GTF3C1: variants seen among roughly 807,000 people sequenced by gnomAD.
GTF3C1 encodes the protein general transcription factor IIIC subunit 1.
GTF3C1 carries 57 observed loss-of-function variants against 226.7 expected under a neutral mutation model. That is an observed-to-expected ratio of 0.25 (90% confidence interval 0.20 to 0.31). GTF3C1 has a LOEUF of 0.31. GTF3C1 is among the 10% of genes least tolerant of loss of function. GTF3C1 has a pLI of 1.00. For synonymous variants in GTF3C1, 1,090 were observed against 1,084.8 expected, an observed-to-expected ratio of 1.00 and a Z score of -0.09; for missense variants, 2,217 against 2,776.1, an observed-to-expected ratio of 0.80 and a Z score of 4.53.
intron 5 of GTF3C1, among the ~76,000 whole-genome samples, chr16:27,530,123 G>A (rs372248213): frequency 6.6e-6 from 1 of 152,098 alleles, no homozygotes; most frequent in African/African-American, 2.4e-5. Context: ...CTTACATTCT[G>A]GGGGGAGAGA....
At chr16:27,502,098 A>G (rs2088414087) in intron 11 of GTF3C1, among the ~76,000 whole-genome samples, 1 of 151,746 alleles carries the variant, frequency 6.6e-6, no homozygotes, top group African/African-American at 2.4e-5. Flanking sequence ...CATCTCAAAA[A>G]AAAAAAAAGA....
intron 29 of GTF3C1, 147 bp from the exon 30 acceptor site, chr16:27,472,067 T>G: frequency 1.5e-6 from 1 of 653,698 alleles, no homozygotes; most frequent in South Asian, 1.8e-5. Flanking sequence ...TGTGTGTCAG[T>G]GAGTGTGTGT....
At position 27,469,205 on chromosome 16, in the gene GTF3C1, A is replaced by T. The variant is rs1328265481; in HGVS notation, c.5074+86T>A. ...CTGCACGCCTGGCCTGGGGAGCCTGAAGGTCTAGGTCCCAGGCCAGGCCTC... is the reference window on the plus strand; with the variant it reads ...CTGCACGCCTGGCCTGGGGAGCCTGTAGGTCTAGGTCCCAGGCCAGGCCTC... On this transcript the variant is annotated intron_variant, in intron 32 of 36. Transcript: ENST00000356183. The surrounding 1 kb of genome is among the most constrained non-coding windows in gnomAD (Gnocchi z 4.5). 3.7e-6 allele frequency: 5 copies of T among 1,354,132 alleles called. No homozygotes were observed. The Admixed American group carries it at 1.3e-4, about 35-fold the overall frequency. 83.9% of individuals were successfully genotyped at this position (1,354,132 alleles called of 1,614,324 possible).
chr16:27,506,414 A>G (rs977026084), intron 9 of GTF3C1, among the ~76,000 whole-genome samples: 20 of 152,150 alleles, frequency 1.3e-4, no homozygotes, highest in Middle Eastern at 3.2e-3. Context: ...TGCCAGTAAG[A>G]GTCCCTCCCT....
At chr16:27,514,876 G>A (rs1392414477) in intron 6 of GTF3C1, among the ~76,000 whole-genome samples, 1 of 152,230 alleles carries the variant, frequency 6.6e-6, no homozygotes, top group Non-Finnish European at 1.5e-5. Flanking sequence ...AAACGTCCCT[G>A]TGACTGAGAA....
At chr16:27,503,440 GCT>G (rs1334447761) in intron 10 of GTF3C1, among the ~76,000 whole-genome samples, 3 of 152,124 alleles carry the variant, frequency 2.0e-5, no homozygotes, top group African/African-American at 7.2e-5. Flanking sequence ...AGAAACCAGG[GCT>G]CTGTGTGGCT....
rs747374110 is a variant in GTF3C1 at position 27,488,180 on chromosome 16, C to G, written c.3700+47G>C. ...AGTGAGGCTGTCGCACATCTCCAAG[C>G]CAAAACAAAGACAAGGCCCAGTAAA... On this transcript the variant is annotated intron_variant, in intron 23 of 36. Coordinates refer to ENST00000356183, the MANE Select transcript of GTF3C1 (RefSeq NM_001520.4). 3.2e-6 allele frequency: 5 copies of G among 1,554,706 alleles called. No homozygotes were observed. In the East Asian group the frequency reaches 9.0e-5, roughly 28 times the overall value.
At chr16:27,473,019 G>A (rs992763827) in intron 29 of GTF3C1, among the ~76,000 whole-genome samples, 27 of 152,096 alleles carry the variant, frequency 1.8e-4, no homozygotes, top group Non-Finnish European at 3.7e-4. Context: ...TGGCTCAAGC[G>A]GTCCTCCTGC....
chr16:27,480,339 C>A (rs2141363375), intron 27 of GTF3C1, among the ~76,000 whole-genome samples: 1 of 152,138 alleles, frequency 6.6e-6, no homozygotes, highest in African/African-American at 2.4e-5. Context: ...CAGTCTACTG[C>A]AAACCAGAAA....
At chr16:27,468,807 T>C (rs12919042) in intron 32 of GTF3C1, among the ~76,000 whole-genome samples, 25,583 of 152,058 alleles carry the variant, frequency 0.17, 2,303 homozygotes, top group Middle Eastern at 0.23. Context: ...AGTGTCAAAA[T>C]TGGAAGTAAA....
intron 6 of GTF3C1, among the ~76,000 whole-genome samples, chr16:27,525,980 G>A (rs1408719843): frequency 6.6e-6 from 1 of 152,002 alleles, no homozygotes; most frequent in Non-Finnish European, 1.5e-5. Context: ...GAAATATTCA[G>A]GGAGGCATTA....
intron 11 of GTF3C1, among the ~76,000 whole-genome samples, chr16:27,502,429 T>C (rs1452961765): frequency 6.6e-6 from 1 of 152,188 alleles, no homozygotes; most frequent in Non-Finnish European, 1.5e-5. Context: ...TACTTGTGTC[T>C]CTTGTTTTTT....
In GTF3C1 at chr16:27,464,321, T is replaced by C. The variant is rs763485432; in HGVS notation, c.5871A>G (p.Arg1957=). 284 of 1,487,456 alleles carry C rather than the reference T, an allele frequency of 1.9e-4. No individual in the cohort carries two copies. Among genetic ancestry groups the C allele is most frequent in the Non-Finnish European group, 2.4e-4 (273 of 1,120,788 alleles). 92.1% of individuals were successfully genotyped at this position (1,487,456 alleles called of 1,614,324 possible). The change falls in exon 34 of 37, where the codon AGA becomes AGG. Residue 1957 remains arginine, a splice_region_variant and synonymous_variant. Coordinates refer to ENST00000356183, the MANE Select transcript of GTF3C1 (RefSeq NM_001520.4). ...GGTGGGGGACAAGGCGCGCGGTACC[T>C]CTGGGGTCTTCAGAGCCCTCTGGAG... is the stretch of plus-strand genomic sequence containing the variant. ...AQPPEGSEDP[R]GFTESFGAAN...
At chr16:27,523,408 T>C (rs2088781546) in intron 6 of GTF3C1, among the ~76,000 whole-genome samples, 1 of 152,100 alleles carries the variant, frequency 6.6e-6, no homozygotes, top group Non-Finnish European at 1.5e-5. Context: ...TCCAGGTATA[T>C]CTGTAAATTT....
At chr16:27,540,901 C>G (rs986326300) in intron 2 of GTF3C1, among the ~76,000 whole-genome samples, 1 of 151,870 alleles carries the variant, frequency 6.6e-6, no homozygotes, top group Non-Finnish European at 1.5e-5. Flanking sequence ...AGTACAGTGA[C>G]GCGATCTCAG....
chr16:27,471,954 C>A lies in GTF3C1; in HGVS notation c.4354-34G>T, dbSNP rs1302003007. 1 of 1,603,874 alleles carries A rather than the reference C, an allele frequency of 6.2e-7. No homozygotes were observed. The highest frequency in any genetic ancestry group is 1.7e-5 in the Admixed American group (1 of 59,890). On this transcript the variant is annotated intron_variant, in intron 29 of 36. Coordinates refer to ENST00000356183, the MANE Select transcript of GTF3C1 (RefSeq NM_001520.4). This position sits in a 1 kb window ranked among gnomAD's most constrained non-coding sequence, Gnocchi z 5.0. ...CAGGGCGGCGAGGGTGAGTAGGGTT[C>A]TCCAGCCGGCCACGGAGAGGGCTGG...
intron 6 of GTF3C1, among the ~76,000 whole-genome samples, chr16:27,527,503 T>C (rs2088851037): frequency 6.6e-6 from 1 of 152,206 alleles, no homozygotes; most frequent in Non-Finnish European, 1.5e-5. Context: ...TTTTAAAGTT[T>C]CATAGTATGC....
At chr16:27,472,118 G>A (rs151250344) in intron 29 of GTF3C1, among the ~76,000 whole-genome samples, 198 bp from the exon 30 acceptor site, 1 of 152,190 alleles carries the variant, frequency 6.6e-6, no homozygotes, top group Admixed American at 6.5e-5. Context: ...GAGGAAGTCA[G>A]CAATCCCAAT....
intron 32 of GTF3C1, 40 bp from the exon 33 acceptor site, chr16:27,465,580 A>G (rs766864470): frequency 1.3e-6 from 2 of 1,526,832 alleles, no homozygotes; most frequent in Non-Finnish European, 1.8e-6. Flanking sequence ...AGCCCGACAG[A>G]GGCCCCCCTC....
Sources: allele counts gnomAD v4.1 joint callset (sites outside exome capture counted in the v4.1 genomes callset), GRCh38; gene constraint gnomAD v4.1.1; non-coding constraint Gnocchi (gnomAD v3.1); transcripts MANE v1.5; gene names NCBI Gene and HGNC (gene_info 2026-07-23, HGNC 2026-07-21).